Variants in GRIN3A observed in about 807,000 individuals in gnomAD.
GRIN3A encodes glutamate receptor ionotropic, NMDA 3A.
Under a neutral mutation model 92.4 loss-of-function variants are expected in GRIN3A, and 47 were observed. The ratio of observed to expected loss-of-function variants is 0.51; its 90% CI spans 0.40 to 0.65. The LOEUF (loss-of-function observed/expected upper bound fraction) is 0.65, where lower values mean the gene tolerates loss of function less well. Among genes scored for constraint, GRIN3A ranks in the 30% least tolerant of loss-of-function variants. The pLI is 0.00. For synonymous variants in GRIN3A, 527 were observed against 540.6 expected (o/e 0.97, Z 0.35); for missense variants, 1,324 against 1,393.1 (o/e 0.95, Z 0.79).
chr9:101,611,111 AAACC>A (rs1413767759), intron 6 of GRIN3A, among the ~76,000 whole-genome samples: 2 of 151,644 alleles, frequency 1.3e-5, no homozygotes, highest in Non-Finnish European at 2.9e-5. Context: ...AAAAAAAAAA[AAACC>A]AACCAACCAA....
chr9:101,628,247 G>T lies in GRIN3A; in HGVS notation c.2498+9C>A. The T allele has an allele frequency of 6.2e-7, 1 of 1,613,656 alleles. No homozygotes were observed. Among genetic ancestry groups the T allele is most frequent in the South Asian group, 1.1e-5 (1 of 91,056 alleles). On this transcript the variant is annotated intron_variant, in intron 4 of 8. Transcript: ENST00000361820. ...AATTTTTCTTTGGATCCAAGAGGTTGACACTCACTTCAGATACTCCACTCC... is the reference window on the plus strand; with the variant it reads ...AATTTTTCTTTGGATCCAAGAGGTTTACACTCACTTCAGATACTCCACTCC...
intron 2 of GRIN3A, among the ~76,000 whole-genome samples, chr9:101,680,444 T>C (rs947043756): frequency 4.6e-5 from 7 of 152,210 alleles, no homozygotes; most frequent in Middle Eastern, 3.4e-3. Flanking sequence ...AAAAGGCCAG[T>C]GAGTATTGAT....
Position 101,671,002 on chromosome 9 carries a change from A to G in GRIN3A, c.1410T>C (p.His470=). The G allele has an allele frequency of 6.2e-7, 1 of 1,613,974 alleles. No individual in the cohort carries two copies. The highest frequency in any genetic ancestry group is 8.5e-7 in the Non-Finnish European group (1 of 1,179,892). The change falls in exon 3 of 9, where the codon CAT becomes CAC. Residue 470 remains histidine (H), a synonymous_variant. Transcript: ENST00000361820. ...ENNFFIWNLQ[H]DPMGKPMWTR... The stretch of plus-strand genomic sequence containing the variant: ...TCCACATTGGCTTTCCCATGGGGTC[A>G]TGTTGAAGATTCCAGATGAAAAAGT...
intron 1 of GRIN3A, among the ~76,000 whole-genome samples, chr9:101,720,917 T>C (rs1490596230): frequency 6.6e-6 from 1 of 152,106 alleles, no homozygotes; most frequent in South Asian, 2.1e-4. Flanking sequence ...ACATGGGTGA[T>C]GAAATAATCT....
chr9:101,573,231 C>T lies in GRIN3A; in HGVS notation c.3291G>A (p.Val1097=), dbSNP rs538106657. The change falls in exon 9 of 9, where the codon GTG becomes GTA. Residue 1097 remains valine (V), a synonymous_variant. Coordinates refer to ENST00000361820, the MANE Select transcript of GRIN3A (RefSeq NM_133445.3). The stretch of plus-strand genomic sequence containing the variant: ...ACTCCTCCAGCTCCGTTTTCCTGCT[C>T]ACAGCCAGCTGCAGCTCCTGACGGA... ...QVIRQELQLA[V]SRKTELEEYQ... The T allele has an allele frequency of 1.9e-6, 3 of 1,614,140 alleles. No individual in the cohort carries two copies. The highest frequency in any genetic ancestry group is 1.3e-5 in the African/African-American group (1 of 75,054).
Position 101,738,062 on chromosome 9 carries a change from C to T in GRIN3A, c.-83G>A. On this transcript the variant is annotated 5_prime_UTR_variant, in exon 1 of 9. Coordinates refer to ENST00000361820, the MANE Select transcript of GRIN3A (RefSeq NM_133445.3). ...AGCCGCTGCCTGAGGTCTCCGCCTCCAGGTCCCGCGCGCAGCTTCACTCCA... is the reference window on the plus strand; with the variant it reads ...AGCCGCTGCCTGAGGTCTCCGCCTCTAGGTCCCGCGCGCAGCTTCACTCCA... The T allele has an allele frequency of 8.4e-7, 1 of 1,191,828 alleles. No individual in the cohort carries two copies. Among genetic ancestry groups the T allele is most frequent in the Non-Finnish European group, 1.2e-6 (1 of 834,964 alleles). The allele number at this position is 1,191,828 out of a possible 1,614,324, so 73.8% of individuals were successfully genotyped here.
intron 6 of GRIN3A, among the ~76,000 whole-genome samples, chr9:101,603,579 T>A (rs1361530919): frequency 3.9e-5 from 6 of 152,080 alleles, no homozygotes; most frequent in Non-Finnish European, 7.4e-5. Context: ...CATATAAGAC[T>A]AGAAAAGATG....
At chr9:101,584,435 A>G (rs1564118888) in intron 6 of GRIN3A, among the ~76,000 whole-genome samples, 1 of 152,242 alleles carries the variant, frequency 6.6e-6, no homozygotes, top group Non-Finnish European at 1.5e-5. Flanking sequence ...TGCATGGAGG[A>G]ATACCAACAA....
At chr9:101,592,331 C>T (rs866347064) in intron 6 of GRIN3A, 2 of 152,106 alleles carry the variant, frequency 1.3e-5, no homozygotes, top group African/African-American at 4.8e-5. Context: ...ACATATTGAT[C>T]TTGTAGAAGG....
At chr9:101,633,861 G>C (rs760012267) in intron 3 of GRIN3A, among the ~76,000 whole-genome samples, 3 of 152,008 alleles carry the variant, frequency 2.0e-5, no homozygotes, top group Non-Finnish European at 2.9e-5. Context: ...TCAAAATGTA[G>C]ATTCCAATTC....
intron 6 of GRIN3A, among the ~76,000 whole-genome samples, chr9:101,600,444 C>T (rs1828196737): frequency 6.6e-6 from 1 of 152,104 alleles, no homozygotes; most frequent in South Asian, 2.1e-4. Flanking sequence ...GGAAGATGGA[C>T]ATTAACCAAA....
chr9:101,587,797 G>A (rs927500889), intron 6 of GRIN3A, among the ~76,000 whole-genome samples: 1 of 152,170 alleles, frequency 6.6e-6, no homozygotes, highest in Non-Finnish European at 1.5e-5. Flanking sequence ...TGATTTTAAT[G>A]AGAGGTAAGG....
chr9:101,721,827 G>A (rs1830016235), intron 1 of GRIN3A, among the ~76,000 whole-genome samples: 1 of 152,206 alleles, frequency 6.6e-6, no homozygotes, highest in African/African-American at 2.4e-5. Context: ...TTCGAAAGGT[G>A]ACTTGGGTGC....
intron 3 of GRIN3A, among the ~76,000 whole-genome samples, chr9:101,633,774 C>CA: frequency 6.6e-6 from 1 of 150,574 alleles, no homozygotes; most frequent in Admixed American, 6.7e-5. Flanking sequence ...AAATTGTCCA[C>CA]AAAATCGGTC....
chr9:101,573,233 C>A lies in GRIN3A; in HGVS notation c.3289G>T (p.Val1097Leu), dbSNP rs201762945. Residue 1097 changes from valine to leucine, a missense_variant, in exon 9 of 9, where the codon GTG (valine) becomes TTG (leucine). Coordinates refer to ENST00000361820, the MANE Select transcript of GRIN3A (RefSeq NM_133445.3). ...TCCTCCAGCTCCGTTTTCCTGCTCA[C>A]AGCCAGCTGCAGCTCCTGACGGATC... ...QVIRQELQLA[V>L]SRKTELEEYQ... 24 of 1,614,032 alleles carry A rather than the reference C, an allele frequency of 1.5e-5. No homozygotes were observed. Among genetic ancestry groups the A allele is most frequent in the Non-Finnish European group, 1.9e-5 (23 of 1,179,982 alleles).
At chr9:101,597,376 A>G (rs73507223) in intron 6 of GRIN3A, among the ~76,000 whole-genome samples, 1,555 of 152,282 alleles carry the variant, frequency 0.01, 29 homozygotes, top group African/African-American at 0.035. Flanking sequence ...TCTTCCTTAT[A>G]AGAACAGGGT....
At chr9:101,622,930 T>C (rs1828577461) in intron 5 of GRIN3A, among the ~76,000 whole-genome samples, 1 of 151,396 alleles carries the variant, frequency 6.6e-6, no homozygotes, top group African/African-American at 2.4e-5. Flanking sequence ...GGCAGGAGGA[T>C]CACTTGAGGC....
rs763931757 is a variant in GRIN3A, at chr9:101,684,118, CTTTT to C, written c.1304+2474_1304+2477del. The stretch of plus-strand genomic sequence containing the variant: ...TTTTTCTTTCTTTCTTTCTTTCTTT[CTTTT>C]TTTTTTTGTGACGGAGTCTCGCCAG... On this transcript the variant is annotated intron_variant, in intron 2 of 8. Transcript: ENST00000361820. Among the ~76,000 whole-genome samples, 3 of 123,852 alleles carry C rather than the reference CTTTT, an allele frequency of 2.4e-5. No homozygotes were observed. The South Asian group carries it at 8.7e-4, about 36-fold the overall frequency. The allele number at this position is 123,852 out of a possible 152,430, so 81.3% of individuals were successfully genotyped here.
At chr9:101,601,635 A>G (rs1050611532) in intron 6 of GRIN3A, among the ~76,000 whole-genome samples, 1 of 152,066 alleles carries the variant, frequency 6.6e-6, no homozygotes, top group Admixed American at 6.6e-5. Flanking sequence ...TCCCTTTGAA[A>G]CCTGTAGGGC....
Sources: allele counts gnomAD v4.1 joint callset (sites outside exome capture counted in the v4.1 genomes callset), GRCh38; gene constraint gnomAD v4.1.1; transcripts MANE v1.5; gene names NCBI Gene and HGNC (gene_info 2026-07-23, HGNC 2026-07-21).